The following CUL7 variants were observed in gnomAD, a reference collection of about 807,000 sequenced individuals.
CUL7 encodes cullin 7, also known as cullin-7.
In CUL7, 96 loss-of-function variants were observed where a neutral mutation model predicts 177.7. The observed-to-expected ratio is 0.54, with a 90% CI of 0.46 to 0.64. CUL7 has a LOEUF of 0.64. Among genes scored for constraint, CUL7 ranks in the 30% least tolerant of loss-of-function variants. CUL7 has a pLI of 0.00. For synonymous variants in CUL7, 824 were observed against 890.2 expected (o/e 0.93, Z 1.32); for missense variants, 1,893 against 2,187.9 (o/e 0.87, Z 2.69).
intron 16 of CUL7, 68 bp downstream of exon 16, chr6:43,044,684 G>C: frequency 6.4e-7 from 1 of 1,568,578 alleles, no homozygotes; most frequent in Non-Finnish European, 8.7e-7. Context: ...CTAGGGTAGA[G>C]CAAGAAGGAA....
Position 43,045,196 on chromosome 6 carries a change from G to T in CUL7, c.3038+31C>A. The T allele has an allele frequency of 6.2e-7, 1 of 1,605,870 alleles. No individual in the cohort carries two copies. Among genetic ancestry groups the T allele is most frequent in the South Asian group, 1.1e-5 (1 of 90,308 alleles). On this transcript the variant is annotated intron_variant, in intron 15 of 25. Transcript: ENST00000265348. The surrounding 1 kb of genome is among the most constrained non-coding windows in gnomAD (Gnocchi z 4.8). Reference sequence around the variant, plus strand: ...TTGCAATAGCCTTACCTTTCCCACAGACACAAGCATACACGCACACTCTCA... The same window carrying T: ...TTGCAATAGCCTTACCTTTCCCACATACACAAGCATACACGCACACTCTCA...
In CUL7 at chr6:43,043,696, G is replaced by A; in HGVS notation, c.3173-66C>T. The stretch of plus-strand genomic sequence containing the variant: ...GCAGGGAAGTGGGAGTGGTTGGGCT[G>A]AACAGGAGTGTGGAGATAGAGCAAC... On this transcript the variant is annotated intron_variant, in intron 16 of 25. Coordinates refer to ENST00000265348, the MANE Select transcript of CUL7 (RefSeq NM_014780.5). This position sits in a 1 kb window ranked among gnomAD's most constrained non-coding sequence, Gnocchi z 4.2. 9.3e-7 allele frequency: 1 copy of A among 1,073,858 alleles called. No individual in the cohort carries two copies. Among genetic ancestry groups the A allele is most frequent in the Non-Finnish European group, 1.4e-6 (1 of 709,602 alleles). The allele number at this position is 1,073,858 out of a possible 1,614,324, so 66.5% of individuals were successfully genotyped here. A position where few individuals can be genotyped will look rare whatever the true frequency, so the allele number is the denominator to read the frequency against.
rs751119649 is a variant in CUL7, at chr6:43,045,302, A to G, written c.2963T>C (p.Phe988Ser). 1.2e-6 allele frequency: 2 copies of G among 1,614,144 alleles called. No homozygotes were observed. The highest frequency in any genetic ancestry group is 2.2e-5 in the South Asian group (2 of 91,080). Residue 988 changes from phenylalanine (F) to serine (S), a missense_variant, in exon 15 of 26, where the codon TTC (phenylalanine) becomes TCC (serine). By Grantham distance (155) the Phe-to-Ser change is radical (BLOSUM62 -2). Transcript: ENST00000265348. This position sits in a 1 kb window ranked among gnomAD's most constrained non-coding sequence, Gnocchi z 4.8. ...CCAGGCCTGTGCCCGAACCATGTAG[A>G]AGAGGCGTGTGTGACGACAGAGCTG... ...REQLCRHTRL[F>S]YMVRAQAWSQ...
Position 43,052,049 on chromosome 6 carries a change from C to G in CUL7, c.580+160G>C. 7.4e-7 allele frequency: 1 copy of G among 1,356,568 alleles called. No individual in the cohort carries two copies. The highest frequency in any genetic ancestry group is 1.0e-6 in the Non-Finnish European group (1 of 997,868). 84.0% of individuals were successfully genotyped at this position (1,356,568 alleles called of 1,614,324 possible). On this transcript the variant is annotated intron_variant, in intron 2 of 25. Transcript: ENST00000265348. This position sits in a 1 kb window ranked among gnomAD's most constrained non-coding sequence, Gnocchi z 4.5. ...TCTTTTGGCAGATAACCCCCACCCT[C>G]ACTCCCATGCCCACCTCCTTTTCTT...
Position 43,038,191 on chromosome 6 carries a change from G to A in CUL7, c.4773+76C>T, listed in dbSNP as rs541197433. 3.2e-6 allele frequency: 5 copies of A among 1,549,528 alleles called. No individual in the cohort carries two copies. In the African/African-American group the frequency reaches 4.1e-5, roughly 13 times the overall value. On this transcript the variant is annotated intron_variant, in intron 25 of 25. Transcript: ENST00000265348. ...GTGAACCAGGTGCCTCACCACACGTGCACCCACCTTGTCCTGTAGACTGCT... is the reference window on the plus strand; with the variant it reads ...GTGAACCAGGTGCCTCACCACACGTACACCCACCTTGTCCTGTAGACTGCT...
At position 43,045,216 on chromosome 6, in the gene CUL7, C is replaced by G. The variant is rs1397137704; in HGVS notation, c.3038+11G>C. On this transcript the variant is annotated intron_variant, in intron 15 of 25. Transcript: ENST00000265348. The surrounding 1 kb of genome is among the most constrained non-coding windows in gnomAD (Gnocchi z 4.8). ...CCACAGACACAAGCATACACGCACA[C>G]TCTCACACACCTAGAACTCAGGTGC... 3.1e-6 allele frequency: 5 copies of G among 1,613,108 alleles called. No individual in the cohort carries two copies. The highest frequency in any genetic ancestry group is 3.4e-6 in the Non-Finnish European group (4 of 1,179,622).
In CUL7 at chr6:43,048,239, A is replaced by G; in HGVS notation, c.2078T>C (p.Leu693Pro). 2.5e-6 allele frequency: 4 copies of G among 1,613,768 alleles called. No individual in the cohort carries two copies. The highest frequency in any genetic ancestry group is 3.4e-6 in the Non-Finnish European group (4 of 1,179,634). ...HLTVLRILKQ[L>P]VDFPEALLLP... ...CAGCAGTGCCTCGGGGAAGTCCACC[A>G]GCTGCTTCAGGATTCTGGGGGCAGA... The change falls in exon 9 of 26, where the codon CTG becomes CCG. Residue 693 changes from leucine (L) to proline (P), a missense_variant. By Grantham distance (98) the Leu-to-Pro change is moderately conservative (BLOSUM62 -3). Around this residue, in one of 5 missense-constraint regions of CUL7, gnomAD observed 973 missense variants for 1,140.9 expected, o/e 0.85. Transcript: ENST00000265348.
In CUL7 at chr6:43,050,479, G is replaced by A; in HGVS notation, c.1234-81C>T. 3 of 1,563,082 alleles carry A rather than the reference G, an allele frequency of 1.9e-6. No homozygotes were observed. The highest frequency in any genetic ancestry group is 2.6e-6 in the Non-Finnish European group (3 of 1,143,504). On this transcript the variant is annotated intron_variant, in intron 4 of 25. Transcript: ENST00000265348. This position sits in a 1 kb window ranked among gnomAD's most constrained non-coding sequence, Gnocchi z 4.1. ...CTGTGGCCCAGTACTGAGGACTATA[G>A]CCCTCAGGGTGACCACCTGGCCAGG...
Position 43,049,546 on chromosome 6 carries a change from G to A in CUL7, c.1686C>T (p.Cys562=), listed in dbSNP as rs754838245. 3 of 1,614,202 alleles carry A rather than the reference G, an allele frequency of 1.9e-6. No individual in the cohort carries two copies. Among genetic ancestry groups the A allele is most frequent in the South Asian group, 1.1e-5 (1 of 91,088 alleles). The change falls in exon 7 of 26, where the codon TGC becomes TGT. Residue 562 remains cysteine, a synonymous_variant. Transcript: ENST00000265348. ...NDSALRDLIN[C]HVYKKYGPEA... is the part of the protein sequence containing the mutation. ...CAGGCCCATACTTCTTGTAGACATG[G>A]CAGTTGATCAGGTCCCTGAGGGCAC...
rs375096014 is a variant in CUL7, at chr6:43,040,718, C to T, written c.3835G>A (p.Val1279Met). 2.7e-5 allele frequency: 43 copies of T among 1,614,002 alleles called. No homozygotes were observed. Among genetic ancestry groups the T allele is most frequent in the South Asian group, 1.9e-4 (17 of 91,082 alleles). ...QHYMADRLLG[V>M]VSSWLEGAVL... ...GCCCCCTCCAGCCAGCTCGAGACCA[C>T]GCCCAGGAGACGGTCCGCCATGTAG... The change falls in exon 21 of 26, where the codon GTG becomes ATG. Residue 1279 changes from valine (V) to methionine (M), a missense_variant. Physicochemically the swap from Val to Met is conservative, Grantham distance 21. Transcript: ENST00000265348. The surrounding 1 kb of genome is among the most constrained non-coding windows in gnomAD (Gnocchi z 4.2).
rs2150320830 is a variant in CUL7 at position 43,045,215 on chromosome 6, ACT to A, written c.3038+10_3038+11del. On this transcript the variant is annotated intron_variant, in intron 15 of 25. Transcript: ENST00000265348. This position sits in a 1 kb window ranked among gnomAD's most constrained non-coding sequence, Gnocchi z 4.8. Reference sequence around the variant, plus strand: ...CCCACAGACACAAGCATACACGCACACTCTCACACACCTAGAACTCAGGTGCA... The same window carrying A: ...CCCACAGACACAAGCATACACGCACACTCACACACCTAGAACTCAGGTGCA... 1 of 1,612,638 alleles carries A rather than the reference ACT, an allele frequency of 6.2e-7. No individual in the cohort carries two copies. Among genetic ancestry groups the A allele is most frequent in the Non-Finnish European group, 8.5e-7 (1 of 1,179,462 alleles).
intron 22 of CUL7, among the ~76,000 whole-genome samples, chr6:43,039,799 G>A (rs1288807717): frequency 1.4e-5 from 2 of 147,128 alleles, no homozygotes; most frequent in South Asian, 2.2e-4. Flanking sequence ...GAGTGCAGTG[G>A]CACGATCTCG....
chr6:43,053,178 G>T lies in CUL7; in HGVS notation c.-8-382C>A, dbSNP rs546722508. Reference sequence around the variant, plus strand: ...CCCAGAGGGGTATGTTTGGGAGGGAGATCGTGAGTGTGTGTGAAAAGGGGT... The same window carrying T: ...CCCAGAGGGGTATGTTTGGGAGGGATATCGTGAGTGTGTGTGAAAAGGGGT... On this transcript the variant is annotated intron_variant, in intron 1 of 25. Coordinates refer to ENST00000265348, the MANE Select transcript of CUL7 (RefSeq NM_014780.5). The surrounding 1 kb of genome is among the most constrained non-coding windows in gnomAD (Gnocchi z 4.1). Among the ~76,000 whole-genome samples the T allele has an allele frequency of 2.0e-5, 3 of 152,320 alleles. No homozygotes were observed. Among genetic ancestry groups the T allele is most frequent in the Admixed American group, 6.5e-5 (1 of 15,306 alleles).
Position 43,053,840 on chromosome 6 carries a change from G to C in CUL7, c.-227C>G. On this transcript the variant is annotated 5_prime_UTR_variant, in exon 1 of 26. Coordinates refer to ENST00000265348, the MANE Select transcript of CUL7 (RefSeq NM_014780.5). The surrounding 1 kb of genome is among the most constrained non-coding windows in gnomAD (Gnocchi z 4.1). Reference sequence around the variant, plus strand: ...CCGGTCCCTGCCAGCGGCTCCGCCAGCCAAAAGCCACGGCTCATTTCCGCC... The same window carrying C: ...CCGGTCCCTGCCAGCGGCTCCGCCACCCAAAAGCCACGGCTCATTTCCGCC... 6.5e-7 allele frequency: 1 copy of C among 1,533,034 alleles called. No individual in the cohort carries two copies. The highest frequency in any genetic ancestry group is 8.7e-7 in the Non-Finnish European group (1 of 1,146,282). 95.0% of individuals were successfully genotyped at this position (1,533,034 alleles called of 1,614,324 possible). A position where few individuals can be genotyped will look rare whatever the true frequency, so the allele number is the denominator to read the frequency against.
rs1763919443 is a variant in CUL7, at chr6:43,046,516, C to T, written c.2483G>A (p.Cys828Tyr). Residue 828 changes from cysteine to tyrosine, a missense_variant, in exon 11 of 26, where the codon TGC (cysteine) becomes TAC (tyrosine). Cys to Tyr is a radical substitution (Grantham distance 194). Coordinates refer to ENST00000265348, the MANE Select transcript of CUL7 (RefSeq NM_014780.5). The part of the protein sequence containing the change: ...PFFDVFLRYL[C>Y]QGSSVEVKED... ...ACACGGCAACAGGCACGAACCCTGGCACAGGTATCTGAGGAACACATCAAA... is the reference window on the plus strand; with the variant it reads ...ACACGGCAACAGGCACGAACCCTGGTACAGGTATCTGAGGAACACATCAAA... 6.2e-7 allele frequency: 1 copy of T among 1,614,142 alleles called. No individual in the cohort carries two copies.
At chr6:43,038,080 C>T in intron 25 of CUL7, 69 bp from the exon 26 acceptor site, 2 of 1,531,776 alleles carry the variant, frequency 1.3e-6, no homozygotes, top group Non-Finnish European at 1.8e-6. Context: ...TGAGCTTCCA[C>T]TCCAACCACC....
chr6:43,049,390 C>T lies in CUL7; in HGVS notation c.1825+17G>A. 6.2e-7 allele frequency: 1 copy of T among 1,614,138 alleles called. No homozygotes were observed. Among genetic ancestry groups the T allele is most frequent in the East Asian group, 2.2e-5 (1 of 44,894 alleles). ...CCCTGAAGGTGTGTCAGCTCAGCTG[C>T]TGTGTCTGGCACCCACCTTCCACTT... On this transcript the variant is annotated intron_variant, in intron 7 of 25. Transcript: ENST00000265348.
rs144775099 is a variant in CUL7 at position 43,049,453 on chromosome 6, G to A, written c.1779C>T (p.Asp593=). Residue 593 remains aspartate (D), a synonymous_variant, in exon 7 of 26, where the codon GAC becomes GAT. Transcript: ENST00000265348. The stretch of plus-strand genomic sequence containing the variant: ...CTGAGTCCTTAGCCTGGGCCTGCGC[G>A]TCTAGCAGGAGGACATCTTCTTGGG... ...LEAQEDVLLL[D]AQAQAKDSED... is the part of the protein sequence containing the mutation. The A allele has an allele frequency of 4.5e-5, 72 of 1,614,242 alleles. 1 individual carries two copies. The Middle Eastern group carries it at 4.9e-4, about 11-fold the overall frequency.
At chr6:43,039,067 C>T (rs1002776590) in intron 22 of CUL7, 80 bp from the exon 23 acceptor site, 11 of 934,418 alleles carry the variant, frequency 1.2e-5, no homozygotes, top group East Asian at 2.4e-5. Flanking sequence ...ACGCTGGTCA[C>T]GCTCTGTTTA....
Sources: allele counts gnomAD v4.1 joint callset (sites outside exome capture counted in the v4.1 genomes callset), GRCh38; gene constraint gnomAD v4.1.1; regional missense constraint gnomAD v4.1.1; non-coding constraint Gnocchi (gnomAD v3.1); transcripts MANE v1.5; gene names NCBI Gene and HGNC (gene_info 2026-07-23, HGNC 2026-07-21).